The following DAB1 variants were observed in gnomAD, a reference collection of about 807,000 sequenced individuals.
The protein encoded by DAB1 is disabled homolog 1.
In DAB1, 15 loss-of-function variants were observed where a neutral mutation model predicts 64.6. That is an observed-to-expected ratio of 0.23 (90% confidence interval 0.16 to 0.36). DAB1 has a LOEUF of 0.36. Ranked by LOEUF, DAB1 falls within the 10% of genes least tolerant of loss-of-function variation. The probability of loss-of-function intolerance (pLI) is 1.00; values close to 1 mark genes in which losing one functional copy is unlikely to be tolerated. For missense variants in DAB1, 596 were observed against 706.7 expected (o/e 0.84, Z 1.78); for synonymous variants, 235 against 251.9 (o/e 0.93, Z 0.64).
intron 5 of DAB1, among the ~76,000 whole-genome samples, chr1:57,949,457 CTTTA>C (rs1553146595): frequency 1.5e-5 from 2 of 133,786 alleles, no homozygotes; most frequent in African/African-American, 2.8e-5. Context: ...TTAAGCAATT[CTTTA>C]TCTATCTATC....
At chr1:57,821,319 A>T (rs116047827), downstream of DAB1, among the ~76,000 whole-genome samples, 2,275 of 152,216 alleles carry the variant, frequency 0.015, 64 homozygotes, top group African/African-American at 0.052. Context: ...ATAATAATAA[A>T]AAAAGCACCC....
At chr1:57,883,447 C>T (rs1644175931) in intron 1 of DAB1, among the ~76,000 whole-genome samples, 1 of 152,118 alleles carries the variant, frequency 6.6e-6, no homozygotes, top group South Asian at 2.1e-4. Context: ...AATAGCCACA[C>T]GATGAAGGGT....
chr1:57,503,285 G>A (rs921194156), intron 7 of DAB1, among the ~76,000 whole-genome samples: 1 of 152,212 alleles, frequency 6.6e-6, no homozygotes, highest in East Asian at 1.9e-4. Flanking sequence ...CTGGGGCTCA[G>A]ACTATACATT....
intron 1 of DAB1, among the ~76,000 whole-genome samples, chr1:57,338,995 G>C (rs1677328655): frequency 6.6e-6 from 1 of 152,168 alleles, no homozygotes; most frequent in Non-Finnish European, 1.5e-5. Context: ...GGATAAGGAA[G>C]AGTTCACTCT....
intron 1 of DAB1, among the ~76,000 whole-genome samples, chr1:57,295,989 T>C (rs1673165584): frequency 1.3e-5 from 2 of 152,204 alleles, no homozygotes; most frequent in South Asian, 4.1e-4. Flanking sequence ...AAACACAGAA[T>C]TGGATGGCAC....
chr1:57,292,330 G>A (rs610360), intron 1 of DAB1, among the ~76,000 whole-genome samples: 61,062 of 151,918 alleles, frequency 0.4, 12,899 homozygotes, highest in Admixed American at 0.58. Context: ...TAATCCAAAG[G>A]TATCTGTTTT....
intron 7 of DAB1, among the ~76,000 whole-genome samples, chr1:57,513,472 A>G (rs1644428762): frequency 6.6e-6 from 1 of 152,182 alleles, no homozygotes; most frequent in Admixed American, 6.5e-5. Flanking sequence ...TTATTAGTTA[A>G]TAATCAATAT....
chr1:57,444,972 A>G (rs12129740), intron 7 of DAB1, among the ~76,000 whole-genome samples: 4,313 of 152,318 alleles, frequency 0.028, 72 homozygotes, highest in South Asian at 0.057. Flanking sequence ...CAAATGAATG[A>G]GTGTTCATCG....
intron 2 of DAB1, among the ~76,000 whole-genome samples, chr1:57,181,960 A>C (rs1444154114): frequency 2.6e-5 from 4 of 152,198 alleles, no homozygotes; most frequent in Non-Finnish European, 5.9e-5. Context: ...ATCTCGGCTT[A>C]CTGCAACCTC....
rs529155034 is a variant in DAB1 at position 58,091,157 on chromosome 1, A to G, written n.387+59354T>C. Among the ~76,000 whole-genome samples the G allele has an allele frequency of 5.9e-5, 9 of 152,274 alleles. 2 individuals are homozygous for G. In the South Asian group the frequency reaches 1.9e-3, roughly 32 times the overall value. The stretch of plus-strand genomic sequence containing the variant: ...GGAGTTTCTAAATTCGGAGTGGGAG[A>G]GGAGGTTGTTCTGAGCCCCTCTTTC... On this transcript the variant is annotated intron_variant and non_coding_transcript_variant, in intron 5 of 20. Transcript: ENST00000485760.
intron 1 of DAB1, among the ~76,000 whole-genome samples, chr1:57,330,179 C>T (rs1558179325): frequency 1.3e-5 from 2 of 152,152 alleles, no homozygotes; most frequent in Non-Finnish European, 2.9e-5. Flanking sequence ...ATCAGCCTGT[C>T]TGAGAAGGAA....
intron 1 of DAB1, among the ~76,000 whole-genome samples, chr1:57,389,633 A>G (rs1682178254): frequency 6.6e-6 from 1 of 152,162 alleles, no homozygotes; most frequent in African/African-American, 2.4e-5. Context: ...GGATAAATGG[A>G]GGGAAGGAGA....
intron 7 of DAB1, among the ~76,000 whole-genome samples, chr1:57,621,012 G>T (rs1043460874): frequency 2.7e-5 from 4 of 150,932 alleles, no homozygotes; most frequent in Admixed American, 6.6e-5. Context: ...TTTGTGTCTG[G>T]GTGTGTGTGT....
chr1:57,065,953 T>A (rs559700281), intron 8 of DAB1, among the ~76,000 whole-genome samples: 181 of 152,354 alleles, frequency 1.2e-3, no homozygotes, highest in African/African-American at 3.9e-3. Flanking sequence ...AATAATCTTT[T>A]TTTTGTGTGT....
intron 6 of DAB1, among the ~76,000 whole-genome samples, chr1:57,695,332 G>GAAAGAAAGAA (rs1185982760): frequency 9.0e-6 from 1 of 111,474 alleles, no homozygotes; most frequent in Non-Finnish European, 1.8e-5. Flanking sequence ...AAGAAAGAAA[G>GAAAGAAAGAA]AAAGAAAGAA....
intron 2 of DAB1, among the ~76,000 whole-genome samples, chr1:58,526,621 C>T (rs1282200881): frequency 2.2e-5 from 3 of 136,116 alleles, no homozygotes; most frequent in African/African-American, 5.6e-5. Flanking sequence ...AAAAAAAAGC[C>T]ATCTGCTACA....
intron 5 of DAB1, among the ~76,000 whole-genome samples, chr1:57,931,982 A>G (rs1305806256): frequency 6.6e-6 from 1 of 152,078 alleles, no homozygotes; most frequent in Non-Finnish European, 1.5e-5. Flanking sequence ...TATGCATTCA[A>G]TGCTACAAAT....
intron 7 of DAB1, among the ~76,000 whole-genome samples, chr1:57,505,759 C>A (rs947886537): frequency 2.0e-5 from 3 of 152,206 alleles, no homozygotes; most frequent in Non-Finnish European, 4.4e-5. Flanking sequence ...CAGCCTCAGC[C>A]TCCTGGGCTC....
intron 6 of DAB1, among the ~76,000 whole-genome samples, chr1:57,725,660 GT>G (rs1208485313): frequency 1.3e-5 from 2 of 152,088 alleles, no homozygotes; most frequent in South Asian, 4.2e-4. Context: ...CTAGCACTTG[GT>G]AAATACACTT....
Sources: allele counts gnomAD v4.1 joint callset (sites outside exome capture counted in the v4.1 genomes callset), GRCh38; gene constraint gnomAD v4.1.1; transcripts MANE v1.5; gene names NCBI Gene and HGNC (gene_info 2026-07-23, HGNC 2026-07-21).